EVI5: variants seen among roughly 807,000 people sequenced by gnomAD.
The protein encoded by EVI5 is ecotropic viral integration site 5 protein homolog.
Under a neutral mutation model 112.0 loss-of-function variants are expected in EVI5, and 73 were observed. That is an observed-to-expected ratio of 0.65 (90% CI 0.54 to 0.79). The LOEUF (loss-of-function observed/expected upper bound fraction) is 0.79. Ranked by LOEUF, EVI5 falls within the 30% of genes least tolerant of loss-of-function variation. The pLI, the probability that EVI5 is intolerant of heterozygous loss-of-function variation, is 0.00. For synonymous variants in EVI5, 305 were observed against 319.9 expected (o/e 0.95, Z 0.50); for missense variants, 900 against 968.8 (o/e 0.93, Z 0.94).
intron 1 of EVI5, among the ~76,000 whole-genome samples, chr1:92,764,835 T>C (rs1177808042): frequency 6.6e-6 from 1 of 152,192 alleles, no homozygotes; most frequent in Admixed American, 6.5e-5. Context: ...AATTTATTTG[T>C]TACAAATAAC....
chr1:92,576,958 C>T (rs1362599292), intron 18 of EVI5, among the ~76,000 whole-genome samples: 1 of 152,058 alleles, frequency 6.6e-6, no homozygotes, highest in African/African-American at 2.4e-5. Flanking sequence ...AGCTTTGGGG[C>T]TAGGATTGCC....
rs1659164999 is a variant in EVI5, at chr1:92,511,141, T to G, written c.*2515A>C. ...AACATTTAAATCAAATTCATTTAAA[T>G]TATGTTGTCAAAAAAGCAGGGAATT... On this transcript the variant is annotated 3_prime_UTR_variant, in exon 20 of 20. Coordinates refer to ENST00000684568, the MANE Select transcript of EVI5 (RefSeq NM_001350197.2). 1 of 152,190 alleles carries G rather than the reference T, an allele frequency of 6.6e-6. No individual in the cohort carries two copies. The highest frequency in any genetic ancestry group is 2.4e-5 in the African/African-American group (1 of 41,444). 9.4% of individuals were successfully genotyped at this position (152,190 alleles called of 1,614,324 possible).
At chr1:92,772,089 T>C (rs1426188315) in intron 1 of EVI5, among the ~76,000 whole-genome samples, 4 of 151,568 alleles carry the variant, frequency 2.6e-5, no homozygotes, top group African/African-American at 9.7e-5. Context: ...CCTGACCTTG[T>C]GATCTGCCCA....
At chr1:92,549,694 G>A (rs1666448844) in intron 19 of EVI5, among the ~76,000 whole-genome samples, 1 of 152,202 alleles carries the variant, frequency 6.6e-6, no homozygotes, top group Non-Finnish European at 1.5e-5. Context: ...CAAAGCATAT[G>A]AACAGACACT....
At chr1:92,557,881 C>T (rs957374831) in intron 19 of EVI5, among the ~76,000 whole-genome samples, 6 of 145,348 alleles carry the variant, frequency 4.1e-5, no homozygotes, top group East Asian at 2.1e-4. Context: ...CGCACCACCA[C>T]GCCCAGCCAA....
At chr1:92,775,365 T>C (rs1198964240) in intron 1 of EVI5, among the ~76,000 whole-genome samples, 1 of 150,740 alleles carries the variant, frequency 6.6e-6, no homozygotes, top group East Asian at 2.0e-4. Flanking sequence ...AGGCAGAAGT[T>C]GCAGTGAGCT....
intron 5 of EVI5, among the ~76,000 whole-genome samples, chr1:92,699,281 C>T (rs1670769566): frequency 6.6e-6 from 1 of 152,176 alleles, no homozygotes. Flanking sequence ...AATCCCAGGA[C>T]TCTCATCCTA....
At chr1:92,686,312 A>T (rs1451836985) in intron 9 of EVI5, among the ~76,000 whole-genome samples, 1 of 152,230 alleles carries the variant, frequency 6.6e-6, no homozygotes, top group Admixed American at 6.5e-5. Flanking sequence ...GATTATCTCA[A>T]TAGATGCAGA....
At chr1:92,764,256 A>G (rs1347259362) in intron 1 of EVI5, among the ~76,000 whole-genome samples, 2 of 152,136 alleles carry the variant, frequency 1.3e-5, no homozygotes, top group African/African-American at 2.4e-5. Context: ...ACATACCTAC[A>G]CTCATTTTTG....
chr1:92,606,986 C>T lies in EVI5; in HGVS notation c.1974+595G>A, dbSNP rs80234866. Among the ~76,000 whole-genome samples the T allele has an allele frequency of 5.1e-4, 78 of 151,532 alleles. No homozygotes were observed. The East Asian group carries it at 0.014, about 28-fold the overall frequency. ...CCTTTCCCCCACTCTCTCACCACTG[C>T]TATATTGTAAATTTATTTCAGGAAA... On this transcript the variant is annotated intron_variant, in intron 17 of 19. Coordinates refer to ENST00000684568, the MANE Select transcript of EVI5 (RefSeq NM_001350197.2).
rs199911199 is a variant in EVI5, at chr1:92,624,247, G to A, written c.1756C>T (p.Arg586Ter). 8 of 1,612,798 alleles carry A rather than the reference G, an allele frequency of 5.0e-6. No homozygotes were observed. The highest frequency in any genetic ancestry group is 6.8e-6 in the Non-Finnish European group (8 of 1,179,226). The part of the protein sequence containing the change: ...NELQDELMTI[R>*]LREAETQAEI... ...GCTTGTGTTTCAGCTTCTCTAAGTCGAATGGTCATCAGTTCATCTTGTAAC... is the reference window on the plus strand; with the variant it reads ...GCTTGTGTTTCAGCTTCTCTAAGTCAAATGGTCATCAGTTCATCTTGTAAC... Residue 586 changes from arginine to a stop codon, truncating the protein, a stop_gained, in exon 16 of 20, where the codon CGA becomes TGA. Transcript: ENST00000684568. LOFTEE classifies it high-confidence loss of function.
At chr1:92,744,490 C>G (rs377258732) in intron 1 of EVI5, among the ~76,000 whole-genome samples, 19 of 152,006 alleles carry the variant, frequency 1.2e-4, no homozygotes, top group African/African-American at 4.6e-4. Flanking sequence ...TCTTTGAGAA[C>G]GGACCCATTT....
intron 16 of EVI5, among the ~76,000 whole-genome samples, chr1:92,618,239 G>A (rs1653668064): frequency 6.6e-6 from 1 of 152,178 alleles, no homozygotes; most frequent in African/African-American, 2.4e-5. Flanking sequence ...ATCACCCCTA[G>A]TGACCCACTA....
At chr1:92,575,481 A>C in intron 18 of EVI5, among the ~76,000 whole-genome samples, 1 of 151,654 alleles carries the variant, frequency 6.6e-6, no homozygotes, top group East Asian at 1.9e-4. Context: ...ATAACTGCCC[A>C]TAATCAAACC....
At chr1:92,696,440 CCT>C (rs758450956) in intron 6 of EVI5, among the ~76,000 whole-genome samples, 14 of 151,622 alleles carry the variant, frequency 9.2e-5, no homozygotes, top group Non-Finnish European at 2.1e-4. Flanking sequence ...AGAGTGAAAC[CCT>C]GTCTCTACAA....
At chr1:92,684,157 G>T (rs551565087) in intron 9 of EVI5, among the ~76,000 whole-genome samples, 278 of 152,228 alleles carry the variant, frequency 1.8e-3, no homozygotes, top group African/African-American at 6.4e-3. Flanking sequence ...ACAGAGAAAG[G>T]TCGGGTTACC....
chr1:92,755,511 A>G (rs529904355), intron 1 of EVI5, among the ~76,000 whole-genome samples: 1 of 152,384 alleles, frequency 6.6e-6, no homozygotes, highest in Admixed American at 6.5e-5. Context: ...GAATACATTC[A>G]TTCATACAGC....
chr1:92,702,360 T>C (rs981602486), intron 4 of EVI5, 145 bp from the exon 5 acceptor site: 199 of 447,202 alleles, frequency 4.4e-4, no homozygotes, highest in Middle Eastern at 8.3e-4. Flanking sequence ...TGTTATCCTA[T>C]ACATATTTAA....
At chr1:92,532,802 T>C (rs1220128195) in intron 19 of EVI5, among the ~76,000 whole-genome samples, 4 of 152,258 alleles carry the variant, frequency 2.6e-5, no homozygotes, top group African/African-American at 9.6e-5. Context: ...GAGGGAAATT[T>C]ATAGCACCTA....
Sources: allele counts gnomAD v4.1 joint callset (sites outside exome capture counted in the v4.1 genomes callset), GRCh38; gene constraint gnomAD v4.1.1; transcripts MANE v1.5; gene names NCBI Gene and HGNC (gene_info 2026-07-23, HGNC 2026-07-21).